Variants in ZMAT1 observed in about 807,000 individuals in gnomAD.
ZMAT1 encodes the protein zinc finger matrin-type 1.
In ZMAT1, 11 loss-of-function variants were observed where a neutral mutation model predicts 18.5. The ratio of observed to expected loss-of-function variants is 0.59; its 90% CI spans 0.37 to 0.98. The LOEUF is 0.98. ZMAT1 is among the 50% of genes least tolerant of loss of function. ZMAT1 has a pLI of 0.01. For missense variants in ZMAT1, 525 were observed against 496.2 expected, an observed-to-expected ratio of 1.06 and a Z score of -0.55; for synonymous variants, 211 against 176.4, an observed-to-expected ratio of 1.20 and a Z score of -1.55.
At chrX:101,895,010 C>T in intron 4 of ZMAT1, 1 of 356,334 alleles carries the variant, frequency 2.8e-6, no homozygotes, top group Non-Finnish European at 3.6e-6. Context: ...CTCTTAGCTC[C>T]AAGCCCTTTG....
intron 1 of ZMAT1, chrX:101,931,456 T>G: frequency 1.3e-6 from 1 of 753,959 alleles, no homozygotes; most frequent in Non-Finnish European, 1.6e-6. Flanking sequence ...AACTCCTGCC[T>G]CATGAGTACC....
Position 101,883,612 on chromosome X carries a change from G to A in ZMAT1, c.1986C>T (p.Pro662=). The change falls in exon 6 of 6, where the codon CCC becomes CCT. Residue 662 remains proline (P), a synonymous_variant. Transcript: ENST00000651725. ...HRKKKKSHDV[P]SEKEERKHRK... is the part of the protein sequence containing the mutation. The stretch of plus-strand genomic sequence containing the variant: ...TGTGCTTACGTTCTTCTTTCTCGGA[G>A]GGTACATCATGGCTTTTTTTCTTTT... The A allele has an allele frequency of 8.3e-7, 1 of 1,207,504 alleles. No individual in the cohort carries two copies. The highest frequency in any genetic ancestry group is 1.8e-5 in the South Asian group (1 of 56,613).
At chrX:101,921,981 ATAGT>A (rs1235944954) in intron 1 of ZMAT1, among the ~76,000 whole-genome samples, 3 of 111,293 alleles carry the variant, frequency 2.7e-5, no homozygotes, top group East Asian at 5.6e-4. Flanking sequence ...CCTCTAGGAC[ATAGT>A]TAGATAGAAA....
chrX:101,931,123 C>T (rs1391256733), intron 1 of ZMAT1, among the ~76,000 whole-genome samples: 1 of 112,053 alleles, frequency 8.9e-6, no homozygotes, highest in African/African-American at 3.3e-5. Context: ...TAAAATCCGA[C>T]AGATCCTACT....
At position 101,882,394 on chromosome X, in the gene ZMAT1, T is replaced by C. The variant is rs1325640556; in HGVS notation, c.*1116A>G. 1.8e-5 allele frequency: 2 copies of C among 112,215 alleles called. No homozygotes were observed. Among genetic ancestry groups the C allele is most frequent in the Non-Finnish European group, 3.8e-5 (2 of 53,090 alleles). The allele number at this position is 112,215 out of a possible 1,213,427, so 9.2% of individuals were successfully genotyped here. ...AACTATATATCATCTAAGTTTATTA[T>C]AGACTGTTTCATTTTCCACTTTCAG... On this transcript the variant is annotated 3_prime_UTR_variant, in exon 6 of 6. Coordinates refer to ENST00000651725, the MANE Select transcript of ZMAT1 (RefSeq NM_001394560.1).
At chrX:101,921,507 C>T (rs1929723689) in intron 1 of ZMAT1, among the ~76,000 whole-genome samples, 1 of 111,831 alleles carries the variant, frequency 8.9e-6, no homozygotes. Flanking sequence ...ATCCCTGCCA[C>T]TCATAAGGTA....
intron 1 of ZMAT1, 86 bp downstream of exon 1, chrX:101,931,631 A>T (rs1417747898): frequency 1.4e-6 from 1 of 727,565 alleles, no homozygotes; most frequent in African/African-American, 2.4e-5. Context: ...GGCAGTGGCG[A>T]ACCGCGCCCA....
At chrX:101,897,378 T>C (rs1243585136) in intron 4 of ZMAT1, among the ~76,000 whole-genome samples, 4 of 100,823 alleles carry the variant, frequency 4.0e-5, no homozygotes, top group Non-Finnish European at 8.0e-5. Context: ...TTGGGAGATA[T>C]ACCTAATGCT....
At chrX:101,926,633 C>T (rs1297274294) in intron 1 of ZMAT1, among the ~76,000 whole-genome samples, 3 of 111,891 alleles carry the variant, frequency 2.7e-5, no homozygotes, top group Non-Finnish European at 3.8e-5. Flanking sequence ...TCTTCAGTTC[C>T]GGGCAAGAGA....
At chrX:101,919,424 C>T (rs766186646) in intron 1 of ZMAT1, among the ~76,000 whole-genome samples, 73 of 111,970 alleles carry the variant, frequency 6.5e-4, no homozygotes, top group Middle Eastern at 4.6e-3. Context: ...TAACTTGTCA[C>T]GTCATTTGGG....
chrX:101,911,541 A>G, intron 1 of ZMAT1: 2 of 1,096,265 alleles, frequency 1.8e-6, no homozygotes, highest in Non-Finnish European at 2.5e-6. Context: ...ACCTCACCCA[A>G]CAACAGCGAA....
In ZMAT1 at chrX:101,931,918, TGTA is replaced by T; in HGVS notation, c.88_90del (p.Tyr30del). On this transcript the variant is annotated inframe_deletion, in exon 1 of 6. Transcript: ENST00000651725. ...GCCGCCGCCGCTGCCGCGCAGGCGG[TGTA>T]GGAGGAGGAGGAGGCGGCAGAGACG... is the stretch of plus-strand genomic sequence containing the variant. 2.5e-6 allele frequency: 2 copies of T among 789,030 alleles called. No homozygotes were observed. Among genetic ancestry groups the T allele is most frequent in the African/African-American group, 4.6e-5 (2 of 43,645 alleles). 65.0% of individuals were successfully genotyped at this position (789,030 alleles called of 1,213,427 possible).
chrX:101,886,815 AT>A, intron 4 of ZMAT1, 84 bp from the exon 5 acceptor site: 1 of 647,454 alleles, frequency 1.5e-6, no homozygotes, highest in Non-Finnish European at 2.3e-6. Flanking sequence ...CCAAAAATTT[AT>A]TAGAGACCAT....
intron 1 of ZMAT1, among the ~76,000 whole-genome samples, chrX:101,907,748 T>C (rs1285874415): frequency 8.9e-6 from 1 of 112,225 alleles, no homozygotes; most frequent in Non-Finnish European, 1.9e-5. Flanking sequence ...ATCAAATAAA[T>C]TCTGGAGCTT....
At chrX:101,915,189 A>G (rs1929240213) in intron 1 of ZMAT1, among the ~76,000 whole-genome samples, 1 of 111,661 alleles carries the variant, frequency 9.0e-6, no homozygotes, top group Non-Finnish European at 1.9e-5. Context: ...ATACTTCAAC[A>G]TAATAAAAGC....
chrX:101,892,187 G>A (rs776888089), intron 4 of ZMAT1, among the ~76,000 whole-genome samples: 1 of 111,250 alleles, frequency 9.0e-6, no homozygotes, highest in African/African-American at 3.3e-5. Context: ...AAGAGGTTAG[G>A]TACCAAGACT....
chrX:101,890,132 T>G (rs1391048711), intron 4 of ZMAT1: 3 of 111,945 alleles, frequency 2.7e-5, no homozygotes, highest in Non-Finnish European at 3.8e-5. Flanking sequence ...GGCAAGTGAC[T>G]GTATCTCCAA....
chrX:101,898,106 A>G lies in ZMAT1; in HGVS notation c.501+13T>C. ...TCAAAGTTTGGATTACAATACCAACACACATCACTCACCTGAAAATTCTCA... is the reference window on the plus strand; with the variant it reads ...TCAAAGTTTGGATTACAATACCAACGCACATCACTCACCTGAAAATTCTCA... On this transcript the variant is annotated intron_variant, in intron 3 of 5. Transcript: ENST00000651725. 1 of 1,208,796 alleles carries G rather than the reference A, an allele frequency of 8.3e-7. No individual in the cohort carries two copies. The highest frequency in any genetic ancestry group is 1.8e-5 in the South Asian group (1 of 56,872).
chrX:101,920,087 T>C (rs1306845163), intron 1 of ZMAT1, among the ~76,000 whole-genome samples: 1 of 107,331 alleles, frequency 9.3e-6, no homozygotes, highest in Non-Finnish European at 1.9e-5. Context: ...TTACTCGGGC[T>C]GGAGTGCAGT....
Sources: allele counts gnomAD v4.1 joint callset (sites outside exome capture counted in the v4.1 genomes callset), GRCh38; gene constraint gnomAD v4.1.1; transcripts MANE v1.5; gene names NCBI Gene and HGNC (gene_info 2026-07-23, HGNC 2026-07-21).